ASMT: variants seen among roughly 807,000 people sequenced by gnomAD.
The protein encoded by ASMT is acetylserotonin O-methyltransferase.
In ASMT, 53 loss-of-function variants were observed where a neutral mutation model predicts 41.3. That is an observed-to-expected ratio of 1.28 (90% CI 1.03 to 1.61). The LOEUF (loss-of-function observed/expected upper bound fraction) is 1.61, where lower values mean the gene tolerates loss of function less well. Ranked by LOEUF, ASMT falls within the 40% of genes most tolerant of loss-of-function variation. The pLI, the probability that ASMT is intolerant of heterozygous loss-of-function variation, is 0.00. For synonymous variants in ASMT, 231 were observed against 184.8 expected, an observed-to-expected ratio of 1.25 and a Z score of -2.03; for missense variants, 531 against 441.3, an observed-to-expected ratio of 1.20 and a Z score of -1.82.
chrX:1,631,973 C>T (rs1446745193), intron 5 of ASMT, among the ~76,000 whole-genome samples: 42 of 152,188 alleles, frequency 2.8e-4, no homozygotes, highest in South Asian at 8.3e-4. Flanking sequence ...CGCTTGTACC[C>T]GGGAAGTGAA....
chrX:1,615,239 G>C lies in ASMT; in HGVS notation c.40G>C (p.Asp14His). 1.9e-6 allele frequency: 3 copies of C among 1,598,686 alleles called. No individual in the cohort carries two copies. The highest frequency in any genetic ancestry group is 2.6e-6 in the Non-Finnish European group (3 of 1,172,686). The change falls in exon 1 of 9, where the codon GAC becomes CAC. Residue 14 changes from aspartate to histidine, a missense_variant. Asp to His is a moderately conservative substitution (Grantham distance 81). Transcript: ENST00000381241. ...SEDQAYRLLN[D>H]YANGFMVSQV... ...GGACCAGGCCTATCGCCTCCTTAAT[G>C]ACTACGCCAACGGCTTCATGGTGTC...
In ASMT at chrX:1,637,065, G is replaced by A. The variant is rs778232224; in HGVS notation, c.910+505G>A. Among the ~76,000 whole-genome samples, 36 of 102,464 alleles carry A rather than the reference G, an allele frequency of 3.5e-4. 7 individuals carry two copies. Among genetic ancestry groups the A allele is most frequent in the Admixed American group, 1.1e-3 (12 of 10,514 alleles). The allele number at this position is 102,464 out of a possible 152,430, so 67.2% of individuals were successfully genotyped here. On this transcript the variant is annotated intron_variant, in intron 8 of 8. Transcript: ENST00000381241. ...CATCCTGATGGCACATGAGGATGTG[G>A]GCACAGCCTCTGTGTGTGAGATAAG...
intron 1 of ASMT, among the ~76,000 whole-genome samples, chrX:1,617,195 G>A (rs1350019517): frequency 9.9e-5 from 15 of 150,866 alleles, no homozygotes; most frequent in African/African-American, 3.4e-4. Context: ...ACGGCAGGGC[G>A]CGGTGGCTCA....
chrX:1,620,674 G>A (rs1603461172), intron 1 of ASMT, among the ~76,000 whole-genome samples: 1 of 152,044 alleles, frequency 6.6e-6, no homozygotes, highest in South Asian at 2.1e-4. Flanking sequence ...ACCGAGGCAG[G>A]CAGATCACGA....
chrX:1,637,062 G>A lies in ASMT; in HGVS notation c.910+502G>A, dbSNP rs756818042. 4.8e-4 allele frequency among the ~76,000 whole-genome samples: 51 copies of A among 105,276 alleles called. 4 individuals carry two copies. Among genetic ancestry groups the A allele is most frequent in the Admixed American group, 1.4e-3 (15 of 10,956 alleles). The allele number at this position is 105,276 out of a possible 152,430, so 69.1% of individuals were successfully genotyped here. A position where few individuals can be genotyped will look rare whatever the true frequency, so the allele number is the denominator to read the frequency against. On this transcript the variant is annotated intron_variant, in intron 8 of 8. Coordinates refer to ENST00000381241, the MANE Select transcript of ASMT (RefSeq NM_001171038.2). ...ATCCATCCTGATGGCACATGAGGAT[G>A]TGGGCACAGCCTCTGTGTGTGAGAT...
chrX:1,630,945 C>G (rs1341765984), intron 5 of ASMT, among the ~76,000 whole-genome samples: 11 of 145,280 alleles, frequency 7.6e-5, no homozygotes, highest in Non-Finnish European at 1.5e-4. Context: ...GAGTCTTGCT[C>G]TGTCACCCAG....
rs1934844287 is a variant in ASMT at position 1,633,244 on chromosome X, G to T, written c.741G>T (p.Lys247Asn). Reference protein sequence around the residue: ...FDIPEVVWTAKQHFSFQEEEQ... With the variant: ...FDIPEVVWTANQHFSFQEEEQ... ...TCCCAGAAGTGGTGTGGACGGCAAA[G>T]CAGCACTTCTCATTCCAGGAGGAAG... Residue 247 changes from lysine (K) to asparagine (N), a missense_variant, in exon 7 of 9, where the codon AAG becomes AAT. Physicochemically the swap from Lys to Asn is moderately conservative, Grantham distance 94 (BLOSUM62 0). Coordinates refer to ENST00000381241, the MANE Select transcript of ASMT (RefSeq NM_001171038.2). 1.9e-6 allele frequency: 3 copies of T among 1,613,960 alleles called. No homozygotes were observed. Among genetic ancestry groups the T allele is most frequent in the African/African-American group, 2.7e-5 (2 of 75,038 alleles).
In ASMT at chrX:1,623,269, G is replaced by A; in HGVS notation, c.200G>A (p.Cys67Tyr). The A allele has an allele frequency of 1.1e-5, 18 of 1,613,942 alleles. No individual in the cohort carries two copies. The highest frequency in any genetic ancestry group is 1.5e-5 in the Non-Finnish European group (18 of 1,179,878). ...GGGACAGAGCTCCTGCTGGACATCT[G>A]TGTGTCCCTGAAGCTGCTGAAAGTG... ...AHGTELLLDI[C>Y]VSLKLLKVET... The change falls in exon 2 of 9, where the codon TGT becomes TAT. Residue 67 changes from cysteine to tyrosine, a missense_variant. Cys to Tyr is a radical substitution (Grantham distance 194). Transcript: ENST00000381241.
At chrX:1,617,477 A>G (rs1471078551) in intron 1 of ASMT, among the ~76,000 whole-genome samples, 2 of 152,100 alleles carry the variant, frequency 1.3e-5, no homozygotes, top group East Asian at 3.9e-4. Flanking sequence ...GTCTCAGAAC[A>G]AAAACCAAAA....
chrX:1,625,122 T>TTTTA (rs1934483579), intron 3 of ASMT, among the ~76,000 whole-genome samples: 2 of 137,838 alleles, frequency 1.5e-5, no homozygotes, highest in African/African-American at 2.7e-5. Context: ...TTTTTTTTTT[T>TTTTA]GAGATGGAGT....
At chrX:1,628,585 C>G (rs1480323478) in intron 4 of ASMT, among the ~76,000 whole-genome samples, 1 of 150,676 alleles carries the variant, frequency 6.6e-6, no homozygotes, top group African/African-American at 2.4e-5. Flanking sequence ...AACCTCTCCT[C>G]TCCTCCCCTG....
At chrX:1,630,324 G>A (rs1335331911) in intron 5 of ASMT, among the ~76,000 whole-genome samples, 2 of 11,210 alleles carry the variant, frequency 1.8e-4, no homozygotes, top group Admixed American at 8.3e-4. Flanking sequence ...TTTTTTTTTT[G>A]AGATGAAGTG....
intron 4 of ASMT, among the ~76,000 whole-genome samples, chrX:1,628,211 G>C (rs5948993): frequency 0.27 from 41,194 of 151,682 alleles, 5,833 homozygotes; most frequent in African/African-American, 0.39. Flanking sequence ...ATCCCAGCTA[G>C]TCGGGAGGCT....
At chrX:1,617,478 A>C (rs1430000745) in intron 1 of ASMT, among the ~76,000 whole-genome samples, 5 of 151,964 alleles carry the variant, frequency 3.3e-5, no homozygotes, top group African/African-American at 1.2e-4. Context: ...TCTCAGAACA[A>C]AAACCAAAAA....
rs1388129283 is a variant in ASMT, at chrX:1,626,993, C to G, written c.375-710C>G. Reference sequence around the variant, plus strand: ...GCAGTGAGCCAAGATCGCGCCATTGCACTCCAGCCTGGGCGACACAGCGAG... The same window carrying G: ...GCAGTGAGCCAAGATCGCGCCATTGGACTCCAGCCTGGGCGACACAGCGAG... On this transcript the variant is annotated intron_variant, in intron 3 of 8. Transcript: ENST00000381241. Among the ~76,000 whole-genome samples the G allele has an allele frequency of 2.0e-5, 3 of 149,486 alleles. No homozygotes were observed. The Admixed American group carries it at 2.0e-4, about 10-fold the overall frequency.
At chrX:1,618,402 G>A (rs1291363204) in intron 1 of ASMT, among the ~76,000 whole-genome samples, 1 of 151,820 alleles carries the variant, frequency 6.6e-6, no homozygotes, top group African/African-American at 2.4e-5. Context: ...GACCTCGGGC[G>A]ATCTGCCTGC....
intron 7 of ASMT, among the ~76,000 whole-genome samples, chrX:1,635,706 A>G (rs1246301698): frequency 1.2e-4 from 18 of 151,810 alleles, no homozygotes; most frequent in African/African-American, 3.9e-4. Context: ...TACTAAAAAT[A>G]CAAAAATTAG....
At chrX:1,629,463 A>G (rs1934687633) in intron 4 of ASMT, among the ~76,000 whole-genome samples, 2 of 151,644 alleles carry the variant, frequency 1.3e-5, no homozygotes, top group Non-Finnish European at 1.5e-5. Context: ...GGATGTGTGG[A>G]CCTCCCACCC....
chrX:1,636,810 C>G (rs1243316155), intron 8 of ASMT, among the ~76,000 whole-genome samples: 1 of 152,244 alleles, frequency 6.6e-6, no homozygotes, highest in Non-Finnish European at 1.5e-5. Flanking sequence ...TGGTGAAATT[C>G]TTTCAGAATT....
Sources: gnomAD v4.1 joint callset for allele counts (sites outside exome capture counted in the v4.1 genomes callset) on GRCh38, gnomAD v4.1.1 for gene constraint, MANE v1.5 for transcripts, NCBI Gene and HGNC (gene_info 2026-07-23, HGNC 2026-07-21) for gene names.